C8B: variants seen among roughly 807,000 people sequenced by gnomAD.
C8B encodes complement component C8 beta chain.
Under a neutral mutation model 64.6 loss-of-function variants are expected in C8B, and 67 were observed. The ratio of observed to expected loss-of-function variants is 1.04; its 90% CI spans 0.85 to 1.27. The LOEUF (loss-of-function observed/expected upper bound fraction) is 1.27. C8B is among the 50% of genes most tolerant of loss of function. C8B has a pLI of 0.00. For missense variants in C8B, 790 were observed against 725.2 expected, an observed-to-expected ratio of 1.09 and a Z score of -1.03; for synonymous variants, 284 against 257.7, an observed-to-expected ratio of 1.10 and a Z score of -0.98.
At chr1:56,965,088 A>G (rs772941640) in intron 1 of C8B, among the ~76,000 whole-genome samples, 4 of 152,210 alleles carry the variant, frequency 2.6e-5, no homozygotes, top group Non-Finnish European at 5.9e-5. Flanking sequence ...AGGTTTGTTC[A>G]GATCTCATTT....
chr1:56,945,581 T>C (rs1301371331), intron 7 of C8B, among the ~76,000 whole-genome samples: 1 of 152,136 alleles, frequency 6.6e-6, no homozygotes, highest in Non-Finnish European at 1.5e-5. Context: ...ATCTGCATGC[T>C]GAAGGTATTT....
At chr1:56,933,165 A>T (rs2101356494) in intron 10 of C8B, among the ~76,000 whole-genome samples, 170 bp downstream of exon 10, 1 of 152,260 alleles carries the variant, frequency 6.6e-6, no homozygotes, top group South Asian at 2.1e-4. Context: ...TGATGCTGTC[A>T]CCCACGGTAA....
chr1:56,961,262 G>A (rs569305813), intron 1 of C8B, among the ~76,000 whole-genome samples: 6 of 152,008 alleles, frequency 3.9e-5, no homozygotes, highest in Non-Finnish European at 7.3e-5. Context: ...TTCCTTTCCA[G>A]GGCACAAAAA....
chr1:56,932,002 T>C (rs1644709103), intron 10 of C8B, 124 bp from the exon 11 acceptor site: 4 of 722,628 alleles, frequency 5.5e-6, no homozygotes, highest in Admixed American at 4.0e-5. Context: ...GTTAAATGGC[T>C]TGCTATAGGC....
chr1:56,933,277 C>T, intron 10 of C8B, 58 bp downstream of exon 10: 3 of 1,455,808 alleles, frequency 2.1e-6, no homozygotes, highest in South Asian at 2.3e-5. Flanking sequence ...ATGGCTGGCC[C>T]CCGGCCTGCT....
intron 2 of C8B, chr1:56,959,511 T>G: frequency 7.3e-7 from 1 of 1,373,168 alleles, no homozygotes; most frequent in Non-Finnish European, 1.0e-6. Context: ...GTGAAGGAAG[T>G]GGGAAATGTC....
At chr1:56,949,898 C>T in intron 5 of C8B, 146 bp from the exon 6 acceptor site, 1 of 674,082 alleles carries the variant, frequency 1.5e-6, no homozygotes, top group South Asian at 1.7e-5. Flanking sequence ...CGATTTGTGT[C>T]CCCACCTCAG....
intron 6 of C8B, among the ~76,000 whole-genome samples, chr1:56,948,083 G>C (rs1329461215): frequency 6.6e-6 from 1 of 152,232 alleles, no homozygotes; most frequent in African/African-American, 2.4e-5. Context: ...CTCTAGGATA[G>C]TGCCTGGCCC....
chr1:56,957,018 G>C, intron 2 of C8B, 108 bp from the exon 3 acceptor site: 5 of 1,137,604 alleles, frequency 4.4e-6, no homozygotes, highest in East Asian at 4.8e-5. Flanking sequence ...CTTCACAAGA[G>C]CACTGAAATG....
rs200785263 is a variant in C8B, at chr1:56,949,753, C to A, written c.667-1G>T. 3 of 1,607,988 alleles carry A rather than the reference C, an allele frequency of 1.9e-6. No individual in the cohort carries two copies. The highest frequency in any genetic ancestry group is 2.2e-5 in the South Asian group (2 of 90,748). On this transcript the variant is annotated splice_acceptor_variant, in intron 5 of 11. Transcript: ENST00000371237. LOFTEE classifies it high-confidence loss of function. ...ATATGAATTCGTATTTGCCTTGGGT[C>A]TAAAGAAGAAAAAAGAAAGGGTTTT...
chr1:56,937,763 A>G (rs1644795759), intron 9 of C8B, among the ~76,000 whole-genome samples: 1 of 152,152 alleles, frequency 6.6e-6, no homozygotes, highest in African/African-American at 2.4e-5. Flanking sequence ...TTCAAATTTA[A>G]TTGAACTTCC....
Position 56,931,810 on chromosome 1 carries a change from T to A in C8B, c.1621A>T (p.Asn541Tyr). 6.2e-7 allele frequency: 1 copy of A among 1,605,480 alleles called. No individual in the cohort carries two copies. Among genetic ancestry groups the A allele is most frequent in the Non-Finnish European group, 8.5e-7 (1 of 1,173,366 alleles). The change falls in exon 11 of 12, where the codon AAT becomes TAT. Residue 541 changes from asparagine to tyrosine, a missense_variant and splice_region_variant. By Grantham distance (143) the Asn-to-Tyr change is moderately radical. Coordinates refer to ENST00000371237, the MANE Select transcript of C8B (RefSeq NM_000066.4). ...GLACEVSYRK[N>Y]TPIDGKWNCW... ...AGAGTTCCTTTTCCAATTAACTTAC[T>A]CTTCCGATAGGAGACCTCACAGGCT...
intron 7 of C8B, among the ~76,000 whole-genome samples, chr1:56,945,437 AG>A (rs1308451725): frequency 6.6e-6 from 1 of 152,212 alleles, no homozygotes; most frequent in African/African-American, 2.4e-5. Flanking sequence ...GAAAGTCAAA[AG>A]TTCTCTTTGG....
At position 56,941,368 on chromosome 1, in the gene C8B, AG is replaced by A. The variant is rs1305669642; in HGVS notation, c.1235-357del. Among the ~76,000 whole-genome samples the A allele has an allele frequency of 3.1e-4, 47 of 152,316 alleles. No individual in the cohort carries two copies. The East Asian group carries it at 8.9e-3, about 29-fold the overall frequency. On this transcript the variant is annotated intron_variant, in intron 8 of 11. Coordinates refer to ENST00000371237, the MANE Select transcript of C8B (RefSeq NM_000066.4). ...GTAGATAATAGACTGGTAAATAGGT[AG>A]GTAGATAGGAGAGTAGATAGGAAGA...
At chr1:56,939,570 G>A (rs1644820515) in intron 9 of C8B, among the ~76,000 whole-genome samples, 1 of 152,178 alleles carries the variant, frequency 6.6e-6, no homozygotes, top group Non-Finnish European at 1.5e-5. Flanking sequence ...AGAGCATGGT[G>A]TTAAGACGTG....
intron 8 of C8B, among the ~76,000 whole-genome samples, chr1:56,943,469 G>T (rs1024149338): frequency 2.0e-5 from 3 of 152,174 alleles, no homozygotes; most frequent in Admixed American, 2.0e-4. Flanking sequence ...GAAAACACAG[G>T]ACTGGAAGGA....
chr1:56,964,109 A>G (rs1645217525), intron 1 of C8B: 1 of 519,570 alleles, frequency 1.9e-6, no homozygotes, highest in African/African-American at 2.1e-5. Flanking sequence ...CTTGTCACTG[A>G]GGATCAGTTT....
intron 9 of C8B, among the ~76,000 whole-genome samples, chr1:56,934,587 CG>C (rs1644749768): frequency 6.6e-6 from 1 of 152,166 alleles, no homozygotes; most frequent in African/African-American, 2.4e-5. Flanking sequence ...GTTTAGGGTA[CG>C]TCTAAATGCA....
Position 56,960,007 on chromosome 1 carries a change from C to T in C8B, c.249+13G>A. The T allele has an allele frequency of 6.2e-7, 1 of 1,614,090 alleles. No homozygotes were observed. The highest frequency in any genetic ancestry group is 8.5e-7 in the Non-Finnish European group (1 of 1,179,982). The stretch of plus-strand genomic sequence containing the variant: ...CCTGGAAGCTTAGAGCTGTCCCAGG[C>T]CTGGTTGCTTACCCTTTTCTTCTGA... On this transcript the variant is annotated intron_variant, in intron 2 of 11. Coordinates refer to ENST00000371237, the MANE Select transcript of C8B (RefSeq NM_000066.4).
Sources: gnomAD v4.1 joint callset for allele counts (sites outside exome capture counted in the v4.1 genomes callset) on GRCh38, gnomAD v4.1.1 for gene constraint, MANE v1.5 for transcripts, NCBI Gene and HGNC (gene_info 2026-07-23, HGNC 2026-07-21) for gene names.